The following STK32A variants were observed in gnomAD, a reference collection of about 807,000 sequenced individuals.
The protein encoded by STK32A is serine/threonine kinase 32A, also known as serine/threonine-protein kinase 32A.
A neutral mutation model predicts 53.2 loss-of-function variants in STK32A; 41 were observed. The ratio of observed to expected loss-of-function variants is 0.77; its 90% CI spans 0.60 to 1.00. STK32A has a LOEUF of 1.00. STK32A is among the 50% of genes least tolerant of loss of function. STK32A has a pLI of 0.00. For synonymous variants in STK32A, 166 were observed against 162.8 expected, an observed-to-expected ratio of 1.02 and a Z score of -0.15; for missense variants, 458 against 485.8, an observed-to-expected ratio of 0.94 and a Z score of 0.54.
intron 4 of STK32A, among the ~76,000 whole-genome samples, chr5:147,302,777 C>T (rs936223662): frequency 2.6e-5 from 4 of 152,160 alleles, no homozygotes; most frequent in African/African-American, 7.2e-5. Context: ...CAGGGCTTAA[C>T]TTCCCCCTTG....
At chr5:147,349,369 C>A (rs1755848288) in intron 6 of STK32A, among the ~76,000 whole-genome samples, 1 of 152,176 alleles carries the variant, frequency 6.6e-6, no homozygotes. Flanking sequence ...GGACTGTGGG[C>A]CCTGGAAGAA....
intron 4 of STK32A, among the ~76,000 whole-genome samples, chr5:147,282,059 G>A (rs1471473879): frequency 1.3e-5 from 2 of 152,184 alleles, no homozygotes; most frequent in Non-Finnish European, 2.9e-5. Context: ...AATGCTGAGA[G>A]AAATTGCCAT....
chr5:147,343,063 G>T lies in STK32A; in HGVS notation c.472+20G>T. The T allele has an allele frequency of 6.2e-7, 1 of 1,612,662 alleles. No homozygotes were observed. Among genetic ancestry groups the T allele is most frequent in the Non-Finnish European group, 8.5e-7 (1 of 1,179,208 alleles). On this transcript the variant is annotated intron_variant, in intron 6 of 12. Transcript: ENST00000397936. ...AACATGGTAAGTGAGTGATTTGTTT[G>T]CAATCAAGTACATGACATGCATGTA...
At chr5:147,276,884 A>G (rs1755286719) in intron 2 of STK32A, among the ~76,000 whole-genome samples, 1 of 152,206 alleles carries the variant, frequency 6.6e-6, no homozygotes, top group Admixed American at 6.5e-5. Flanking sequence ...AGAGTCTGTC[A>G]TTTATCTCCA....
rs1172411290 is a variant in STK32A at position 147,384,847 on chromosome 5, G to A, written c.*864G>A. 1 of 163,712 alleles carries A rather than the reference G, an allele frequency of 6.1e-6. No individual in the cohort carries two copies. The highest frequency in any genetic ancestry group is 1.3e-5 in the Non-Finnish European group (1 of 76,064). The allele number at this position is 163,712 out of a possible 1,614,324, so 10.1% of individuals were successfully genotyped here. On this transcript the variant is annotated 3_prime_UTR_variant, in exon 13 of 13. Coordinates refer to ENST00000397936, the MANE Select transcript of STK32A (RefSeq NM_001112724.2). The stretch of plus-strand genomic sequence containing the variant: ...AAGAATGTCATCACACTGAAAGTAT[G>A]TCCACCTTGCAGTTCAGAAAAGTTG...
chr5:147,350,158 C>T (rs1371261360), intron 6 of STK32A, among the ~76,000 whole-genome samples: 2 of 123,892 alleles, frequency 1.6e-5, no homozygotes, highest in Non-Finnish European at 3.4e-5. Context: ...AGTTAAACCC[C>T]GCCCCCCACC....
intron 11 of STK32A, chr5:147,375,837 A>G (rs982271217): frequency 6.6e-6 from 1 of 152,216 alleles, no homozygotes; most frequent in African/African-American, 2.4e-5. Flanking sequence ...AGTAACTTGC[A>G]AACACTCAGT....
At chr5:147,372,138 A>G (rs1278501550) in intron 9 of STK32A, among the ~76,000 whole-genome samples, 2 of 152,118 alleles carry the variant, frequency 1.3e-5, no homozygotes, top group African/African-American at 4.8e-5. Flanking sequence ...TGAGGTCCAC[A>G]GCTTTCATCA....
chr5:147,267,529 G>A (rs530724207), intron 2 of STK32A, among the ~76,000 whole-genome samples: 1 of 152,182 alleles, frequency 6.6e-6, no homozygotes, highest in Admixed American at 6.5e-5. Flanking sequence ...AAGTAAATAA[G>A]ATAATGTATA....
intron 2 of STK32A, among the ~76,000 whole-genome samples, chr5:147,253,548 G>C (rs918678519): frequency 6.6e-6 from 1 of 152,176 alleles, no homozygotes; most frequent in Admixed American, 6.5e-5. Flanking sequence ...AGAGATGGGG[G>C]TTTCACCATG....
At chr5:147,343,438 A>G (rs1335281014) in intron 6 of STK32A, among the ~76,000 whole-genome samples, 1 of 152,214 alleles carries the variant, frequency 6.6e-6, no homozygotes, top group Non-Finnish European at 1.5e-5. Flanking sequence ...GACATTAATG[A>G]CATTATTTTG....
At chr5:147,260,771 C>T (rs781606384) in intron 2 of STK32A, among the ~76,000 whole-genome samples, 6 of 152,188 alleles carry the variant, frequency 3.9e-5, no homozygotes, top group Admixed American at 6.5e-5. Flanking sequence ...TGGCGGGATA[C>T]GCCCTAAGCC....
At chr5:147,334,653 A>G (rs1417908824) in intron 5 of STK32A, among the ~76,000 whole-genome samples, 1 of 152,230 alleles carries the variant, frequency 6.6e-6, no homozygotes, top group Non-Finnish European at 1.5e-5. Context: ...AAAAGGGCTT[A>G]GCCTGGTTTC....
At chr5:147,303,662 G>A (rs1753250230) in intron 4 of STK32A, among the ~76,000 whole-genome samples, 1 of 152,150 alleles carries the variant, frequency 6.6e-6, no homozygotes, top group Non-Finnish European at 1.5e-5. Flanking sequence ...ATATGTTTAA[G>A]CAGTCCACAA....
chr5:147,309,876 TTC>T (rs1260032741), intron 4 of STK32A, among the ~76,000 whole-genome samples: 7 of 152,172 alleles, frequency 4.6e-5, no homozygotes, highest in African/African-American at 1.7e-4. Context: ...GACTCCCAAA[TTC>T]TCTAAGACCC....
chr5:147,383,608 T>TC, intron 12 of STK32A, 103 bp downstream of exon 12: 1 of 1,046,404 alleles, frequency 9.6e-7, no homozygotes, highest in Non-Finnish European at 1.4e-6. Flanking sequence ...AAAATTATTT[T>TC]CTAATTGGGA....
At chr5:147,247,838 T>A (rs1223575755) in intron 2 of STK32A, among the ~76,000 whole-genome samples, 1 of 152,160 alleles carries the variant, frequency 6.6e-6, no homozygotes, top group African/African-American at 2.4e-5. Context: ...AGTGTAAAAA[T>A]TGGCCGGGCA....
intron 2 of STK32A, among the ~76,000 whole-genome samples, chr5:147,266,512 T>C (rs183701857): frequency 6.6e-6 from 1 of 152,146 alleles, no homozygotes; most frequent in African/African-American, 2.4e-5. Context: ...AAATCCATCC[T>C]TTTTCTGTAG....
At chr5:147,393,992 C>A in the STK32A span, 4 of 1,600,226 alleles carry the variant, frequency 2.5e-6, no homozygotes, top group Non-Finnish European at 3.4e-6. Context: ...GGCTTCAAAA[C>A]AATCTCTTCT....
Sources: allele counts gnomAD v4.1 joint callset (sites outside exome capture counted in the v4.1 genomes callset), GRCh38; gene constraint gnomAD v4.1.1; transcripts MANE v1.5; gene names NCBI Gene and HGNC (gene_info 2026-07-23, HGNC 2026-07-21).